SH3GL2: variants seen among roughly 807,000 people sequenced by gnomAD.
SH3GL2 encodes the protein SH3 domain containing GRB2 like 2, endophilin A1.
A neutral mutation model predicts 46.0 loss-of-function variants in SH3GL2; 24 were observed. The observed-to-expected ratio is 0.52, with a 90% confidence interval of 0.38 to 0.73. The LOEUF is 0.73. Ranked by LOEUF, SH3GL2 falls within the 30% of genes least tolerant of loss-of-function variation. SH3GL2 has a pLI of 0.00. For synonymous variants in SH3GL2, 196 were observed against 147.1 expected (o/e 1.33, Z -2.40); for missense variants, 413 against 424.2 (o/e 0.97, Z 0.23).
intron 1 of SH3GL2, among the ~76,000 whole-genome samples, chr9:17,603,424 C>G (rs1818706049): frequency 6.6e-6 from 1 of 152,048 alleles, no homozygotes; most frequent in African/African-American, 2.4e-5. Flanking sequence ...TATAAGGTAC[C>G]TAGAGTAGTC....
intron 1 of SH3GL2, among the ~76,000 whole-genome samples, chr9:17,720,059 G>A (rs1366557317): frequency 1.3e-5 from 2 of 151,954 alleles, no homozygotes; most frequent in East Asian, 3.9e-4. Flanking sequence ...AATCATCAGT[G>A]ACAAAGTAGT....
At chr9:17,699,366 A>T (rs981060638) in intron 1 of SH3GL2, among the ~76,000 whole-genome samples, 1 of 152,140 alleles carries the variant, frequency 6.6e-6, no homozygotes, top group Non-Finnish European at 1.5e-5. Flanking sequence ...ATTTTTCCAA[A>T]CTAAATTAAA....
intron 1 of SH3GL2, among the ~76,000 whole-genome samples, chr9:17,581,464 T>A (rs954540444): frequency 1.3e-5 from 2 of 152,220 alleles, no homozygotes; most frequent in Admixed American, 1.3e-4. Context: ...TTAGAAAGTC[T>A]AAGGCACAGG....
At chr9:17,713,791 G>A (rs993529313) in intron 1 of SH3GL2, among the ~76,000 whole-genome samples, 1 of 151,442 alleles carries the variant, frequency 6.6e-6, no homozygotes, top group African/African-American at 2.4e-5. Context: ...ATTATTTTAT[G>A]GTCAAGAATA....
chr9:17,750,302 G>GTA (rs1333958748), intron 2 of SH3GL2, among the ~76,000 whole-genome samples: 4 of 151,956 alleles, frequency 2.6e-5, no homozygotes, highest in Non-Finnish European at 4.4e-5. Flanking sequence ...TTGCTCATCT[G>GTA]TATTCTCGGA....
chr9:17,692,910 C>T (rs1299929905), intron 1 of SH3GL2, among the ~76,000 whole-genome samples: 2 of 152,108 alleles, frequency 1.3e-5, no homozygotes, highest in Non-Finnish European at 2.9e-5. Flanking sequence ...AAAGTGGAAA[C>T]CCCTGATAAA....
intron 1 of SH3GL2, among the ~76,000 whole-genome samples, chr9:17,690,011 T>C (rs1297922171): frequency 1.3e-5 from 2 of 152,098 alleles, no homozygotes. Flanking sequence ...AATTCTCAAA[T>C]TGTGCCCCTT....
chr9:17,664,080 A>C (rs1033034449), intron 1 of SH3GL2, among the ~76,000 whole-genome samples: 1 of 152,178 alleles, frequency 6.6e-6, no homozygotes, highest in Non-Finnish European at 1.5e-5. Flanking sequence ...AATAGTTTTC[A>C]GTTTTAGCTT....
At chr9:17,747,388 A>G (rs975048189) in intron 2 of SH3GL2, among the ~76,000 whole-genome samples, 1 of 152,218 alleles carries the variant, frequency 6.6e-6, no homozygotes, top group African/African-American at 2.4e-5. Context: ...GGTGGGTTTC[A>G]TCATCATTTT....
At chr9:17,700,229 A>C (rs559872927) in intron 1 of SH3GL2, among the ~76,000 whole-genome samples, 2 of 152,296 alleles carry the variant, frequency 1.3e-5, no homozygotes, top group African/African-American at 2.4e-5. Context: ...ATGTTGACCC[A>C]CTTAAATTCA....
chr9:17,783,845 T>C (rs1041402302), intron 3 of SH3GL2, among the ~76,000 whole-genome samples: 1 of 152,144 alleles, frequency 6.6e-6, no homozygotes, highest in Non-Finnish European at 1.5e-5. Flanking sequence ...CACAGATCTC[T>C]AAGGGCACAT....
intron 3 of SH3GL2, among the ~76,000 whole-genome samples, chr9:17,763,164 G>T (rs1823227419): frequency 6.6e-6 from 1 of 152,180 alleles, no homozygotes; most frequent in South Asian, 2.1e-4. Context: ...AGAATTTCTA[G>T]TATGAAAATA....
At chr9:17,732,289 A>T (rs117677183) in intron 1 of SH3GL2, among the ~76,000 whole-genome samples, 1 of 152,138 alleles carries the variant, frequency 6.6e-6, no homozygotes, top group Non-Finnish European at 1.5e-5. Context: ...GAAGAGGCAT[A>T]TCTGGTGGGA....
chr9:17,690,145 C>T (rs1356264048), intron 1 of SH3GL2, among the ~76,000 whole-genome samples: 2 of 152,134 alleles, frequency 1.3e-5, no homozygotes, highest in Non-Finnish European at 2.9e-5. Context: ...AAAACTGCAG[C>T]AGTTGTATAC....
intron 3 of SH3GL2, among the ~76,000 whole-genome samples, chr9:17,776,881 C>T (rs1823655341): frequency 1.3e-5 from 2 of 152,134 alleles, no homozygotes; most frequent in South Asian, 2.1e-4. Flanking sequence ...AGTGTGACAT[C>T]ACTGAACTGT....
chr9:17,687,046 A>G (rs905781738), intron 1 of SH3GL2, among the ~76,000 whole-genome samples: 2 of 152,100 alleles, frequency 1.3e-5, no homozygotes, highest in Non-Finnish European at 2.9e-5. Context: ...GCGGAGTGAT[A>G]AGAATGATCC....
intron 1 of SH3GL2, among the ~76,000 whole-genome samples, chr9:17,730,110 A>G (rs542285258): frequency 1.3e-5 from 2 of 152,038 alleles, no homozygotes; most frequent in Non-Finnish European, 2.9e-5. Flanking sequence ...ATGTTTTCCC[A>G]TTTGTTTGTG....
intron 1 of SH3GL2, among the ~76,000 whole-genome samples, chr9:17,581,480 G>A (rs1029465472): frequency 6.6e-6 from 1 of 152,214 alleles, no homozygotes; most frequent in Non-Finnish European, 1.5e-5. Context: ...ACAGGTGACT[G>A]TTCTGTGCAT....
In SH3GL2 at chr9:17,694,087, G is replaced by GA. The variant is rs11407043; in HGVS notation, c.46-52973dup. On this transcript the variant is annotated intron_variant, in intron 1 of 8. Transcript: ENST00000380607. The stretch of plus-strand genomic sequence containing the variant: ...TGGAAACTTTCATATTATTCAGAAA[G>GA]AAAAAATCCTGGTAAGGAAATTGGA... Among the ~76,000 whole-genome samples, 616 of 152,166 alleles carry GA rather than the reference G, an allele frequency of 4.0e-3. 2 individuals carry two copies. The highest frequency in any genetic ancestry group is 0.014 in the African/African-American group (588 of 41,520).
Sources: allele counts gnomAD v4.1 joint callset (sites outside exome capture counted in the v4.1 genomes callset), GRCh38; gene constraint gnomAD v4.1.1; transcripts MANE v1.5; gene names NCBI Gene and HGNC (gene_info 2026-07-23, HGNC 2026-07-21).